GHR: variants seen among roughly 807,000 people sequenced by gnomAD.
GHR encodes GH receptor.
In GHR, 35 loss-of-function variants were observed where a neutral mutation model predicts 67.1. That is an observed-to-expected ratio of 0.52 (90% CI 0.40 to 0.69). The LOEUF (loss-of-function observed/expected upper bound fraction) is 0.69, where lower values mean the gene tolerates loss of function less well. Ranked by LOEUF, GHR falls within the 30% of genes least tolerant of loss-of-function variation. The pLI, the probability that GHR is intolerant of heterozygous loss-of-function variation, is 0.00. For synonymous variants in GHR, 272 were observed against 269.1 expected, an observed-to-expected ratio of 1.01 and a Z score of -0.10; for missense variants, 792 against 764.6, an observed-to-expected ratio of 1.04 and a Z score of -0.42.
intron 1 of GHR, among the ~76,000 whole-genome samples, chr5:42,449,066 G>T (rs1476321930): frequency 6.6e-6 from 1 of 152,164 alleles, no homozygotes; most frequent in African/African-American, 2.4e-5. Context: ...ATCAGGTAGT[G>T]TGATGCCTCC....
intron 1 of GHR, chr5:42,565,436 G>A: frequency 2.0e-6 from 2 of 983,744 alleles, no homozygotes; most frequent in Non-Finnish European, 2.4e-6. Flanking sequence ...CTATTACCAT[G>A]ATTGTTATGT....
chr5:42,617,392 A>G (rs201963101), intron 2 of GHR, among the ~76,000 whole-genome samples: 6,104 of 53,404 alleles, frequency 0.11, 150 homozygotes, highest in Non-Finnish European at 0.18. Flanking sequence ...TTTTACACAC[A>G]CACACACACA....
chr5:42,582,892 T>C (rs1261221907), intron 2 of GHR, among the ~76,000 whole-genome samples: 1 of 152,242 alleles, frequency 6.6e-6, no homozygotes, highest in Non-Finnish European at 1.5e-5. Context: ...CCACGGCAGC[T>C]GGTGTACCTG....
intron 1 of GHR, among the ~76,000 whole-genome samples, chr5:42,427,473 C>T (rs149269314): frequency 6.6e-6 from 1 of 152,202 alleles, no homozygotes; most frequent in Admixed American, 6.5e-5. Flanking sequence ...TTAATCAACT[C>T]CTACTGGGTC....
chr5:42,647,574 C>CAAAAA, intron 3 of GHR: 50 of 324,982 alleles, frequency 1.5e-4, no homozygotes, highest in Admixed American at 1.7e-4. Flanking sequence ...ACTGCGTCTC[C>CAAAAA]AAAAAAAAAA....
intron 1 of GHR, among the ~76,000 whole-genome samples, chr5:42,563,134 G>A (rs567887371): frequency 7.7e-4 from 117 of 152,334 alleles, no homozygotes; most frequent in African/African-American, 2.7e-3. Context: ...TCCGAGAAAT[G>A]CAAACCTGTT....
At chr5:42,718,153 G>A (rs1758813352) in intron 9 of GHR, 32 bp downstream of exon 9, 1 of 1,081,640 alleles carries the variant, frequency 9.2e-7, no homozygotes, top group East Asian at 2.4e-5. Flanking sequence ...ATTGTAGCTA[G>A]TACTAATTAA....
At chr5:42,435,462 G>A (rs971897232) in intron 1 of GHR, among the ~76,000 whole-genome samples, 1 of 152,188 alleles carries the variant, frequency 6.6e-6, no homozygotes, top group African/African-American at 2.4e-5. Flanking sequence ...GCCTACTTAG[G>A]TGAGGTGAAT....
At chr5:42,475,673 G>C (rs1297340063) in intron 1 of GHR, among the ~76,000 whole-genome samples, 1 of 151,960 alleles carries the variant, frequency 6.6e-6, no homozygotes, top group Non-Finnish European at 1.5e-5. Flanking sequence ...CTGGGTGTAG[G>C]AATGGAATGA....
chr5:42,457,682 A>G (rs971482002), intron 1 of GHR, among the ~76,000 whole-genome samples: 1 of 152,192 alleles, frequency 6.6e-6, no homozygotes, highest in African/African-American at 2.4e-5. Flanking sequence ...CCATTGTTAT[A>G]TTAAATATTA....
At chr5:42,583,978 G>A (rs991216944) in intron 2 of GHR, among the ~76,000 whole-genome samples, 2 of 151,704 alleles carry the variant, frequency 1.3e-5, no homozygotes, top group African/African-American at 2.4e-5. Context: ...AAAGGACACT[G>A]TGTTCTCCTA....
chr5:42,515,596 A>G (rs547514315), intron 1 of GHR, among the ~76,000 whole-genome samples: 2 of 152,336 alleles, frequency 1.3e-5, no homozygotes, highest in East Asian at 3.9e-4. Context: ...TAAGATCCCA[A>G]TTTTATTCTG....
intron 1 of GHR, among the ~76,000 whole-genome samples, chr5:42,473,325 G>A (rs1032992447): frequency 1.3e-5 from 2 of 152,028 alleles, no homozygotes; most frequent in Non-Finnish European, 2.9e-5. Flanking sequence ...CCGCCTCCCA[G>A]GTTCAAACAA....
At chr5:42,539,607 G>A (rs947387577) in intron 1 of GHR, among the ~76,000 whole-genome samples, 3 of 152,124 alleles carry the variant, frequency 2.0e-5, no homozygotes, top group Admixed American at 2.0e-4. Flanking sequence ...TTCCTTCTGT[G>A]GGTCCTCTCG....
At position 42,711,858 on chromosome 5, in the gene GHR, C is replaced by T. The variant is rs761171491; in HGVS notation, c.784+486C>T. Among the ~76,000 whole-genome samples the T allele has an allele frequency of 2.8e-4, 42 of 151,922 alleles. 1 individual carries two copies. The highest frequency in any genetic ancestry group is 1.0e-3 in the African/African-American group (42 of 41,362). On this transcript the variant is annotated intron_variant, in intron 7 of 9. Transcript: ENST00000230882. Reference sequence around the variant, plus strand: ...AGCAGGTGCATACGGTTTTAGAAAGCGGAGGTGTGGCTTTTACCTAGAGGA... The same window carrying T: ...AGCAGGTGCATACGGTTTTAGAAAGTGGAGGTGTGGCTTTTACCTAGAGGA...
At chr5:42,486,448 G>T (rs1459731349) in intron 1 of GHR, among the ~76,000 whole-genome samples, 1 of 152,160 alleles carries the variant, frequency 6.6e-6, no homozygotes, top group East Asian at 1.9e-4. Flanking sequence ...ATGATTGTAA[G>T]CAAAATTATT....
chr5:42,641,591 C>G (rs1306227296), intron 3 of GHR, among the ~76,000 whole-genome samples: 3 of 152,070 alleles, frequency 2.0e-5, no homozygotes, highest in African/African-American at 7.2e-5. Context: ...GGAATATTTC[C>G]CACACTATCT....
At chr5:42,696,458 T>A (rs1432587180) in intron 5 of GHR, among the ~76,000 whole-genome samples, 1 of 152,168 alleles carries the variant, frequency 6.6e-6, no homozygotes, top group Non-Finnish European at 1.5e-5. Context: ...TCCCTATTTT[T>A]AAAAAAGTGA....
At chr5:42,623,151 T>A (rs1172068115) in intron 2 of GHR, among the ~76,000 whole-genome samples, 1 of 152,098 alleles carries the variant, frequency 6.6e-6, no homozygotes, top group African/African-American at 2.4e-5. Context: ...AATGAAATGA[T>A]TTGCATGTAC....
Sources: allele counts gnomAD v4.1 joint callset (sites outside exome capture counted in the v4.1 genomes callset), GRCh38; gene constraint gnomAD v4.1.1; transcripts MANE v1.5; gene names NCBI Gene and HGNC (gene_info 2026-07-23, HGNC 2026-07-21).